The following PCDHA4 variants were observed in gnomAD, a reference collection of about 807,000 sequenced individuals.
The protein encoded by PCDHA4 is protocadherin alpha-4.
In PCDHA4, 49 loss-of-function variants were observed where a neutral mutation model predicts 61.4. That is an observed-to-expected ratio of 0.80 (90% CI 0.63 to 1.01). The LOEUF (loss-of-function observed/expected upper bound fraction) is 1.01, where lower values mean the gene tolerates loss of function less well. Among genes scored for constraint, PCDHA4 ranks in the 50% least tolerant of loss-of-function variants. The pLI, the probability that PCDHA4 is intolerant of heterozygous loss-of-function variation, is 0.00. For synonymous variants in PCDHA4, 590 were observed against 550.3 expected, an observed-to-expected ratio of 1.07 and a Z score of -1.01; for missense variants, 1,254 against 1,235.8, an observed-to-expected ratio of 1.01 and a Z score of -0.22.
intron 1 of PCDHA4, chr5:140,870,750 G>C: frequency 1.2e-6 from 2 of 1,613,506 alleles, no homozygotes; most frequent in Non-Finnish European, 1.7e-6. Flanking sequence ...GCAACGTGAC[G>C]CTGCAGGTGT....
chr5:140,966,932 G>T, intron 1 of PCDHA4: 2 of 1,603,726 alleles, frequency 1.2e-6, no homozygotes, highest in Non-Finnish European at 1.7e-6. Context: ...GGCACCCGGC[G>T]CGCTCGTGGG....
At chr5:140,854,871 T>A (rs2043250879) in intron 1 of PCDHA4, among the ~76,000 whole-genome samples, 2 of 149,910 alleles carry the variant, frequency 1.3e-5, no homozygotes, top group South Asian at 4.2e-4. Context: ...ATTTCAGAAC[T>A]GTGTCTTTTG....
At chr5:140,869,145 A>G (rs1013407350) in intron 1 of PCDHA4, 58 of 1,613,508 alleles carry the variant, frequency 3.6e-5, no homozygotes, top group Non-Finnish European at 4.7e-5. Context: ...CCCCACGACT[A>G]CAGCTCTGGC....
chr5:140,907,623 G>A (rs553186767), intron 1 of PCDHA4, among the ~76,000 whole-genome samples: 3 of 152,234 alleles, frequency 2.0e-5, no homozygotes, highest in Non-Finnish European at 2.9e-5. Context: ...AGGGCTCAGT[G>A]TTGGTCTCTG....
At position 140,869,199 on chromosome 5, in the gene PCDHA4, C is replaced by G. The variant is rs1315511579; in HGVS notation, c.2385+59627C>G. 8 of 1,613,906 alleles carry G rather than the reference C, an allele frequency of 5.0e-6. No individual in the cohort carries two copies. In the African/African-American group the frequency reaches 1.1e-4, roughly 22 times the overall value. On this transcript the variant is annotated intron_variant, in intron 1 of 3. Coordinates refer to ENST00000530339, the MANE Select transcript of PCDHA4 (RefSeq NM_018907.4). The stretch of plus-strand genomic sequence containing the variant: ...GGGAGGTGGGGAGCGGCCAGCTCCA[C>G]TACTCCGTCTCGGAGGAGGCCAAAC...
intron 1 of PCDHA4, chr5:140,851,385 AGTATCTATTATTTT>A: frequency 4.1e-6 from 4 of 975,218 alleles, no homozygotes; most frequent in Non-Finnish European, 5.0e-6. Flanking sequence ...AGCAACCTTC[AGTATCTATTATTTT>A]AATAAGAAAG....
At chr5:140,852,796 T>C in intron 1 of PCDHA4, 4 of 976,920 alleles carry the variant, frequency 4.1e-6, no homozygotes, top group Non-Finnish European at 4.9e-6. Context: ...ATGCTACAGA[T>C]GTCATTTGTC....
intron 1 of PCDHA4, among the ~76,000 whole-genome samples, chr5:140,840,434 G>A (rs1349807870): frequency 6.6e-6 from 1 of 151,928 alleles, no homozygotes; most frequent in Non-Finnish European, 1.5e-5. Flanking sequence ...GTTTAAAGCC[G>A]TGGAAATAGA....
Position 140,853,615 on chromosome 5 carries a change from A to G in PCDHA4, c.2385+44043A>G, listed in dbSNP as rs1265889147. 5 of 988,116 alleles carry G rather than the reference A, an allele frequency of 5.1e-6. 1 individual carries two copies. Among genetic ancestry groups the G allele is most frequent in the Non-Finnish European group, 6.1e-6 (5 of 820,262 alleles). 61.2% of individuals were successfully genotyped at this position (988,116 alleles called of 1,614,324 possible). ...TTTGAGAGCAAAGGGGGTGCTGTAA[A>G]TAAGTATACAAGATCACAGACCTAA... On this transcript the variant is annotated intron_variant, in intron 1 of 3. Coordinates refer to ENST00000530339, the MANE Select transcript of PCDHA4 (RefSeq NM_018907.4).
Position 141,010,042 on chromosome 5 carries a change from T to C in PCDHA4, c.*105T>C. 6.3e-7 allele frequency: 1 copy of C among 1,594,374 alleles called. No homozygotes were observed. The highest frequency in any genetic ancestry group is 8.5e-7 in the Non-Finnish European group (1 of 1,171,086). ...TTTTTCCTATCTACATGAGCCCTCT[T>C]AGAGACCTCAGAAATCTGCAGAAAG... On this transcript the variant is annotated 3_prime_UTR_variant, in exon 4 of 4. Transcript: ENST00000530339.
chr5:140,892,993 C>T (rs2063771968), intron 1 of PCDHA4, among the ~76,000 whole-genome samples: 1 of 152,170 alleles, frequency 6.6e-6, no homozygotes, highest in Non-Finnish European at 1.5e-5. Flanking sequence ...TAAGTGAGAA[C>T]ATGTATTTAT....
intron 1 of PCDHA4, chr5:140,870,869 T>C (rs371526005): frequency 8.1e-6 from 13 of 1,613,770 alleles, no homozygotes; most frequent in Non-Finnish European, 1.1e-5. Context: ...GCGGGCCACG[T>C]GGTGGCGAAG....
At position 140,960,349 on chromosome 5, in the gene PCDHA4, A is replaced by T. The variant is rs936485666; in HGVS notation, c.2386-18600A>T. Among the ~76,000 whole-genome samples, 8 of 152,238 alleles carry T rather than the reference A, an allele frequency of 5.3e-5. No homozygotes were observed. The East Asian group carries it at 1.3e-3, about 26-fold the overall frequency. ...GAGAAGTACATGAGGTGAGATATGTACTGAAATAATATGCCAACTCTTAAG... is the reference window on the plus strand; with the variant it reads ...GAGAAGTACATGAGGTGAGATATGTTCTGAAATAATATGCCAACTCTTAAG... On this transcript the variant is annotated intron_variant, in intron 1 of 3. Coordinates refer to ENST00000530339, the MANE Select transcript of PCDHA4 (RefSeq NM_018907.4).
intron 1 of PCDHA4, chr5:140,836,533 T>A (rs1554136046): frequency 6.2e-7 from 1 of 1,613,734 alleles, no homozygotes; most frequent in Non-Finnish European, 8.5e-7. Flanking sequence ...ACCCTGCTGC[T>A]GTACACGGCG....
intron 1 of PCDHA4, chr5:140,850,491 C>T (rs2150486292): frequency 1.3e-6 from 2 of 1,597,970 alleles, no homozygotes; most frequent in South Asian, 1.1e-5. Flanking sequence ...GGCCACTGTG[C>T]TGGTGTCGCT....
chr5:140,938,309 A>T (rs1379097876), intron 1 of PCDHA4, among the ~76,000 whole-genome samples: 1 of 152,216 alleles, frequency 6.6e-6, no homozygotes, highest in African/African-American at 2.4e-5. Flanking sequence ...AATTCAGTAT[A>T]AAATTGAATA....
At chr5:140,883,912 C>A in intron 1 of PCDHA4, 1 of 1,613,300 alleles carries the variant, frequency 6.2e-7, no homozygotes, top group South Asian at 1.1e-5. Context: ...TGGGCAGCAA[C>A]GTGACGCTGC....
intron 1 of PCDHA4, chr5:140,884,080 T>C (rs2059984285): frequency 6.2e-7 from 1 of 1,613,538 alleles, no homozygotes; most frequent in Non-Finnish European, 8.5e-7. Flanking sequence ...CGGGCTACAA[T>C]GCGTGGCTTT....
At chr5:141,000,421 A>ATATTT (rs1265241806) in intron 3 of PCDHA4, among the ~76,000 whole-genome samples, 4 of 27,980 alleles carry the variant, frequency 1.4e-4, no homozygotes, top group Non-Finnish European at 1.1e-4. Context: ...ATATATATAT[A>ATATTT]TTTTTTTTTT....
Sources: gnomAD v4.1 joint callset for allele counts (sites outside exome capture counted in the v4.1 genomes callset) on GRCh38, gnomAD v4.1.1 for gene constraint, MANE v1.5 for transcripts, NCBI Gene and HGNC (gene_info 2026-07-23, HGNC 2026-07-21) for gene names.